Variants in HDAC4 observed in about 807,000 individuals in gnomAD.
The protein encoded by HDAC4 is histone deacetylase A.
HDAC4 carries 16 observed loss-of-function variants against 135.1 expected under a neutral mutation model. The observed-to-expected ratio is 0.12, with a 90% CI of 0.08 to 0.18. HDAC4 has a LOEUF of 0.18. Among genes scored for constraint, HDAC4 ranks in the 10% least tolerant of loss-of-function variants. The probability of loss-of-function intolerance (pLI) is 1.00; values close to 1 mark genes in which losing one functional copy is unlikely to be tolerated. For missense variants in HDAC4, 1,143 were observed against 1,511.8 expected (o/e 0.76, Z 4.05); for synonymous variants, 685 against 653.4 (o/e 1.05, Z -0.74).
In HDAC4 at chr2:239,084,220, C is replaced by T. The variant is rs777919069; in HGVS notation, c.2467G>A (p.Val823Met). Residue 823 changes from valine to methionine, a missense_variant, in exon 20 of 27, where the codon GTG (valine) becomes ATG (methionine). Val to Met is a conservative substitution (Grantham distance 21, BLOSUM62 1). Coordinates refer to ENST00000543185, the MANE Select transcript of HDAC4 (RefSeq NM_001378414.1). ...TPMGFCYFNS[V>M]AVAAKLLQQR... ...TGCAGAAGCTTGGCTGCCACGGCCA[C>T]GGAGTTGAAGTAGCAAAAGCCCCTG... The T allele has an allele frequency of 1.2e-5, 20 of 1,612,856 alleles. No homozygotes were observed. The highest frequency in any genetic ancestry group is 2.2e-5 in the East Asian group (1 of 44,844).
intron 3 of HDAC4, among the ~76,000 whole-genome samples, chr2:239,231,615 CGG>C (rs2047563558): frequency 8.0e-6 from 1 of 125,264 alleles, no homozygotes; most frequent in Non-Finnish European, 1.6e-5. Context: ...GGTTTGCTCC[CGG>C]ATGCCTGAGG....
At chr2:239,208,323 T>C (rs202033357) in intron 3 of HDAC4, among the ~76,000 whole-genome samples, 574 of 49,700 alleles carry the variant, frequency 0.012, 2 homozygotes, top group African/African-American at 0.06. Flanking sequence ...CGAGACTCCG[T>C]CCCAAAAAAA....
chr2:239,188,115 G>C (rs1340116131), intron 4 of HDAC4, among the ~76,000 whole-genome samples: 1 of 152,206 alleles, frequency 6.6e-6, no homozygotes, highest in East Asian at 1.9e-4. Flanking sequence ...CAAGGCCAGA[G>C]GGGGCCGAGT....
chr2:239,345,829 A>AC (rs58312576), intron 2 of HDAC4, among the ~76,000 whole-genome samples: 1,967 of 131,796 alleles, frequency 0.015, 16 homozygotes, highest in Middle Eastern at 0.033. Flanking sequence ...TAAAATACAC[A>AC]CCCCCGTCTC....
intron 5 of HDAC4, among the ~76,000 whole-genome samples, chr2:239,174,540 A>G (rs2043637617): frequency 6.6e-6 from 1 of 152,250 alleles, no homozygotes; most frequent in Non-Finnish European, 1.5e-5. Context: ...ACCCCTGTAC[A>G]TGGCTGGTAG....
intron 22 of HDAC4, among the ~76,000 whole-genome samples, chr2:239,077,482 A>T (rs921390831): frequency 5.9e-5 from 9 of 152,220 alleles, no homozygotes; most frequent in African/African-American, 2.2e-4. Flanking sequence ...TTCGCTTCTT[A>T]CAGGGCCGGC....
chr2:239,316,027 T>A (rs933181762), intron 2 of HDAC4, among the ~76,000 whole-genome samples: 2 of 152,150 alleles, frequency 1.3e-5, no homozygotes. Flanking sequence ...AGTAGAACTC[T>A]TACAAACTGT....
chr2:239,110,719 G>A (rs1402430761), intron 14 of HDAC4, among the ~76,000 whole-genome samples: 1 of 152,370 alleles, frequency 6.6e-6, no homozygotes, highest in South Asian at 2.1e-4. Flanking sequence ...TCATTAACAA[G>A]AAATATTAGA....
chr2:239,263,751 C>T (rs111957524), intron 2 of HDAC4, among the ~76,000 whole-genome samples: 214 of 152,272 alleles, frequency 1.4e-3, no homozygotes, highest in African/African-American at 5.0e-3. Flanking sequence ...GGGGCACCGA[C>T]GGGGGGACAG....
At chr2:239,224,253 C>T (rs988611141) in intron 3 of HDAC4, among the ~76,000 whole-genome samples, 1 of 152,194 alleles carries the variant, frequency 6.6e-6, no homozygotes, top group Non-Finnish European at 1.5e-5. Context: ...TTTCTACATT[C>T]CCACTCCACC....
chr2:239,208,166 C>CAA (rs56710767), intron 3 of HDAC4, among the ~76,000 whole-genome samples: 139 of 140,878 alleles, frequency 9.9e-4, no homozygotes, highest in African/African-American at 2.8e-3. Flanking sequence ...ACTAAAAATA[C>CAA]AAAAAAAAAA....
At chr2:239,111,466 C>A (rs557156959) in intron 14 of HDAC4, 60 bp downstream of exon 14, 9 of 1,504,554 alleles carry the variant, frequency 6.0e-6, no homozygotes, top group Non-Finnish European at 7.2e-6. Context: ...AAGAGCCCCC[C>A]GCGCTGTGCC....
At chr2:239,265,499 G>A (rs1357161633) in intron 2 of HDAC4, among the ~76,000 whole-genome samples, 3 of 152,202 alleles carry the variant, frequency 2.0e-5, no homozygotes, top group Non-Finnish European at 4.4e-5. Flanking sequence ...GTGCTTTCTG[G>A]GCACTGCATG....
chr2:239,260,656 T>C (rs984043082), intron 2 of HDAC4, among the ~76,000 whole-genome samples: 6 of 152,174 alleles, frequency 3.9e-5, no homozygotes, highest in African/African-American at 1.4e-4. Context: ...CTGTGGCCTG[T>C]GGCCTCCGGC....
At chr2:239,128,520 C>CT (rs1421053861) in intron 11 of HDAC4, among the ~76,000 whole-genome samples, 4 of 132,154 alleles carry the variant, frequency 3.0e-5, no homozygotes, top group Non-Finnish European at 6.6e-5. Flanking sequence ...AAACGAGACT[C>CT]TGTCTCAAAA....
chr2:239,379,620 A>G (rs767859907), intron 1 of HDAC4, among the ~76,000 whole-genome samples: 9 of 151,972 alleles, frequency 5.9e-5, no homozygotes, highest in Non-Finnish European at 1.0e-4. Flanking sequence ...AGCGCTCCCC[A>G]CAGCCCCCAC....
rs1183962003 is a variant in HDAC4, at chr2:239,281,083, C to T, written c.23-44419G>A. The stretch of plus-strand genomic sequence containing the variant: ...CCACTCTTAATGTACACACGACTCT[C>T]AATGTACACACCACTCTACACACAA... On this transcript the variant is annotated intron_variant, in intron 2 of 26. Coordinates refer to ENST00000543185, the MANE Select transcript of HDAC4 (RefSeq NM_001378414.1). 2.3e-5 allele frequency among the ~76,000 whole-genome samples: 3 copies of T among 131,880 alleles called. No individual in the cohort carries two copies. The East Asian group carries it at 6.3e-4, about 28-fold the overall frequency. The allele number at this position is 131,880 out of a possible 152,430, so 86.5% of individuals were successfully genotyped here. A position where few individuals can be genotyped will look rare whatever the true frequency, so the allele number is the denominator to read the frequency against.
intron 2 of HDAC4, among the ~76,000 whole-genome samples, chr2:239,248,206 A>C (rs1169964522): frequency 6.7e-6 from 1 of 149,502 alleles, no homozygotes; most frequent in Non-Finnish European, 1.5e-5. Context: ...TTTGAGATGG[A>C]GTCTCGCTCT....
At chr2:239,192,186 G>A in intron 3 of HDAC4, among the ~76,000 whole-genome samples, 1 of 112,008 alleles carries the variant, frequency 8.9e-6, no homozygotes, top group African/African-American at 3.5e-5. Context: ...CCCGCACATG[G>A]GTGAGGACTG....
Sources: allele counts gnomAD v4.1 joint callset (sites outside exome capture counted in the v4.1 genomes callset), GRCh38; gene constraint gnomAD v4.1.1; transcripts MANE v1.5; gene names NCBI Gene and HGNC (gene_info 2026-07-23, HGNC 2026-07-21).